The following GTF2F2 variants were observed in gnomAD, a reference collection of about 807,000 sequenced individuals.
GTF2F2 encodes ATP-dependent helicase GTF2F2.
GTF2F2 carries 23 observed loss-of-function variants against 42.2 expected under a neutral mutation model. That is an observed-to-expected ratio of 0.55 (90% CI 0.39 to 0.77). GTF2F2 has a LOEUF of 0.77. Ranked by LOEUF, GTF2F2 falls within the 30% of genes least tolerant of loss-of-function variation. The pLI is 0.00. For missense variants in GTF2F2, 261 were observed against 287.2 expected (o/e 0.91, Z 0.66); for synonymous variants, 105 against 100.8 (o/e 1.04, Z -0.25).
chr13:45,216,092 A>C (rs1204733334), intron 5 of GTF2F2, among the ~76,000 whole-genome samples: 1 of 151,906 alleles, frequency 6.6e-6, no homozygotes, highest in Non-Finnish European at 1.5e-5. Flanking sequence ...ACAACAACAA[A>C]AATTAGCCAA....
chr13:45,260,222 TA>T (rs1333259988), intron 6 of GTF2F2, among the ~76,000 whole-genome samples: 2 of 152,232 alleles, frequency 1.3e-5, no homozygotes, highest in African/African-American at 4.8e-5. Flanking sequence ...GTTGATCTTT[TA>T]AAGTTCTATG....
intron 4 of GTF2F2, among the ~76,000 whole-genome samples, chr13:45,160,397 A>G (rs1870978253): frequency 6.6e-6 from 1 of 152,214 alleles, no homozygotes; most frequent in Admixed American, 6.5e-5. Flanking sequence ...TGCAAGTGGT[A>G]GTTTCTTAAA....
At chr13:45,164,004 A>T (rs946653892) in intron 4 of GTF2F2, among the ~76,000 whole-genome samples, 1 of 152,164 alleles carries the variant, frequency 6.6e-6, no homozygotes, top group Admixed American at 6.5e-5. Flanking sequence ...AAATACAAAA[A>T]TTAGCCAAGT....
chr13:45,216,075 T>TACA (rs1010573408), intron 5 of GTF2F2, among the ~76,000 whole-genome samples: 1 of 151,920 alleles, frequency 6.6e-6, no homozygotes, highest in Non-Finnish European at 1.5e-5. Flanking sequence ...ACACCATCCC[T>TACA]ACAACAACAA....
rs545783907 is a variant in GTF2F2 at position 45,248,412 on chromosome 13, T to C, written c.387-4459T>C. On this transcript the variant is annotated intron_variant, in intron 5 of 7. Transcript: ENST00000340473. The stretch of plus-strand genomic sequence containing the variant: ...ATTTGCACCAAGTTTTTTTTGTGTT[T>C]TTTTGTTTTGTTTTGTTTTTTGTTT... 5.9e-5 allele frequency among the ~76,000 whole-genome samples: 9 copies of C among 152,248 alleles called. No homozygotes were observed. In the East Asian group the frequency reaches 1.7e-3, roughly 29 times the overall value.
chr13:45,179,947 T>A (rs992419662), intron 4 of GTF2F2, among the ~76,000 whole-genome samples: 5 of 152,156 alleles, frequency 3.3e-5, no homozygotes, highest in African/African-American at 7.2e-5. Context: ...TTCTTTTAAG[T>A]TGGGAGGTGG....
At chr13:45,244,413 G>T (rs553698517) in intron 5 of GTF2F2, among the ~76,000 whole-genome samples, 2 of 152,240 alleles carry the variant, frequency 1.3e-5, no homozygotes, top group South Asian at 4.1e-4. Context: ...ACAGTTTCCA[G>T]CACATAGTAA....
chr13:45,208,168 C>G lies in GTF2F2; in HGVS notation c.386+663C>G, dbSNP rs137986855. Among the ~76,000 whole-genome samples the G allele has an allele frequency of 1.2e-4, 18 of 151,988 alleles. No homozygotes were observed. The East Asian group carries it at 3.5e-3, about 29-fold the overall frequency. On this transcript the variant is annotated intron_variant, in intron 5 of 7. Coordinates refer to ENST00000340473, the MANE Select transcript of GTF2F2 (RefSeq NM_004128.3). ...TACTGTATAAAGCAAGTGTAGTTGC[C>G]AGAATATCGTCCTATTCTCTTGATC... is the stretch of plus-strand genomic sequence containing the variant.
chr13:45,183,279 A>T (rs1409271398), intron 4 of GTF2F2, among the ~76,000 whole-genome samples: 3 of 152,172 alleles, frequency 2.0e-5, no homozygotes, highest in African/African-American at 7.2e-5. Flanking sequence ...AGTATCAGTG[A>T]CTTAAGCACA....
At chr13:45,194,526 ATAC>A in intron 4 of GTF2F2, 1 of 1,613,542 alleles carries the variant, frequency 6.2e-7, no homozygotes, top group Non-Finnish European at 8.5e-7. Context: ...GTTTCCCTTC[ATAC>A]TCCTTTTCTT....
intron 4 of GTF2F2, among the ~76,000 whole-genome samples, chr13:45,184,512 C>G (rs1782244921): frequency 6.6e-6 from 1 of 151,874 alleles, no homozygotes; most frequent in African/African-American, 2.4e-5. Context: ...CTTCGACCTC[C>G]CCAAGTGCTG....
At chr13:45,249,539 C>G (rs936783644) in intron 5 of GTF2F2, among the ~76,000 whole-genome samples, 11 of 152,094 alleles carry the variant, frequency 7.2e-5, no homozygotes, top group Admixed American at 1.3e-4. Flanking sequence ...GCAGTGGCTA[C>G]AAATAAATTC....
At position 45,283,825 on chromosome 13, in the gene GTF2F2, T is replaced by C; in HGVS notation, c.*264T>C. 5.4e-6 allele frequency: 1 copy of C among 186,358 alleles called. No homozygotes were observed. Among genetic ancestry groups the C allele is most frequent in the Non-Finnish European group, 1.1e-5 (1 of 90,892 alleles). The allele number at this position is 186,358 out of a possible 1,614,324, so 11.5% of individuals were successfully genotyped here. A position where few individuals can be genotyped will look rare whatever the true frequency, so the allele number is the denominator to read the frequency against. ...AATAGGGGTTGGAGGATTAAGAGGG[T>C]TTTTCTTAAATATTAGCTTTTAATG... On this transcript the variant is annotated 3_prime_UTR_variant, in exon 8 of 8. Transcript: ENST00000340473.
intron 1 of GTF2F2, among the ~76,000 whole-genome samples, chr13:45,122,208 A>G (rs1017487298): frequency 2.6e-5 from 4 of 152,228 alleles, no homozygotes; most frequent in Non-Finnish European, 1.5e-5. Context: ...TTTAGTTTAC[A>G]AGGAAGTAAC....
chr13:45,236,529 A>AC (rs1491343155), intron 5 of GTF2F2, among the ~76,000 whole-genome samples: 32 of 145,546 alleles, frequency 2.2e-4, no homozygotes, highest in African/African-American at 6.8e-4. Flanking sequence ...ACACACACAC[A>AC]AGTTTATGAG....
At chr13:45,217,343 T>A (rs1234773093) in intron 5 of GTF2F2, among the ~76,000 whole-genome samples, 1 of 151,474 alleles carries the variant, frequency 6.6e-6, no homozygotes, top group Non-Finnish European at 1.5e-5. Flanking sequence ...GAAATCTCCC[T>A]GACCGTTTCT....
chr13:45,188,550 T>C (rs1049865678), intron 4 of GTF2F2, among the ~76,000 whole-genome samples: 2 of 152,206 alleles, frequency 1.3e-5, no homozygotes, highest in Non-Finnish European at 2.9e-5. Flanking sequence ...TATCAAAAGT[T>C]CATGAAGGTG....
intron 4 of GTF2F2, among the ~76,000 whole-genome samples, chr13:45,187,096 A>G (rs905345193): frequency 3.3e-5 from 5 of 152,188 alleles, no homozygotes; most frequent in Non-Finnish European, 7.4e-5. Context: ...AACATTTACA[A>G]AGGGATACGT....
intron 7 of GTF2F2, among the ~76,000 whole-genome samples, chr13:45,272,422 T>C (rs1216713941): frequency 8.7e-6 from 1 of 115,080 alleles, no homozygotes; most frequent in African/African-American, 5.1e-5. Context: ...GTTTTGGCTC[T>C]TTAAAAAAAA....
Sources: allele counts gnomAD v4.1 joint callset (sites outside exome capture counted in the v4.1 genomes callset), GRCh38; gene constraint gnomAD v4.1.1; transcripts MANE v1.5; gene names NCBI Gene and HGNC (gene_info 2026-07-23, HGNC 2026-07-21).